ATP10A: variants seen among roughly 807,000 people sequenced by gnomAD.
ATP10A encodes the protein phospholipid-transporting ATPase VA.
In ATP10A, 111 loss-of-function variants were observed where a neutral mutation model predicts 147.8. The ratio of observed to expected loss-of-function variants is 0.75; its 90% CI spans 0.64 to 0.88. The LOEUF is 0.88. ATP10A is among the 40% of genes least tolerant of loss of function. The pLI, the probability that ATP10A is intolerant of heterozygous loss-of-function variation, is 0.00. For synonymous variants in ATP10A, 875 were observed against 841.6 expected, an observed-to-expected ratio of 1.04 and a Z score of -0.69; for missense variants, 1,927 against 1,959.0, an observed-to-expected ratio of 0.98 and a Z score of 0.31.
intron 2 of ATP10A, among the ~76,000 whole-genome samples, chr15:25,776,462 G>C (rs942399188): frequency 6.6e-6 from 1 of 152,204 alleles, no homozygotes; most frequent in African/African-American, 2.4e-5. Flanking sequence ...GTTTAAAAAT[G>C]TTTGCTCTAC....
At chr15:25,728,749 T>C (rs1033162943) in intron 3 of ATP10A, among the ~76,000 whole-genome samples, 3 of 152,266 alleles carry the variant, frequency 2.0e-5, no homozygotes, top group Non-Finnish European at 4.4e-5. Flanking sequence ...ACTGTGACAC[T>C]GACTTTTGAG....
chr15:25,695,231 A>G, intron 13 of ATP10A, 85 bp from the exon 14 acceptor site: 1 of 1,325,610 alleles, frequency 7.5e-7, no homozygotes, highest in Non-Finnish European at 1.0e-6. Context: ...TCTGGAGCTG[A>G]CATCCTTCCG....
chr15:25,703,037 C>T (rs1315952226), intron 12 of ATP10A, among the ~76,000 whole-genome samples: 1 of 152,064 alleles, frequency 6.6e-6, no homozygotes, highest in East Asian at 1.9e-4. Context: ...GATGGGGCTC[C>T]CTCGATGGGA....
At chr15:25,755,831 C>G (rs1888379700) in intron 2 of ATP10A, among the ~76,000 whole-genome samples, 1 of 152,118 alleles carries the variant, frequency 6.6e-6, no homozygotes, top group Non-Finnish European at 1.5e-5. Flanking sequence ...CTTTAAAATA[C>G]AATTTTCTGA....
In ATP10A at chr15:25,863,103, G is replaced by C. The variant is rs1291719124; in HGVS notation, c.-7C>G. The C allele has an allele frequency of 2.6e-6, 3 of 1,174,944 alleles. No individual in the cohort carries two copies. Among genetic ancestry groups the C allele is most frequent in the African/African-American group, 3.2e-5 (2 of 61,780 alleles). 72.8% of individuals were successfully genotyped at this position (1,174,944 alleles called of 1,614,324 possible). A position where few individuals can be genotyped will look rare whatever the true frequency, so the allele number is the denominator to read the frequency against. ...CCGCCGGCTCCCGCTCCATGGCCGC[G>C]TGTCGCCGCGCCCGGCTCCTCCGCC... On this transcript the variant is annotated 5_prime_UTR_variant, in exon 1 of 21. Transcript: ENST00000555815.
chr15:25,722,903 G>C (rs113837515), intron 6 of ATP10A, among the ~76,000 whole-genome samples: 1 of 152,146 alleles, frequency 6.6e-6, no homozygotes, highest in African/African-American at 2.4e-5. Context: ...TTGACTGGGA[G>C]GTGTCAGGGA....
At chr15:25,788,412 A>C (rs546703584) in intron 1 of ATP10A, among the ~76,000 whole-genome samples, 58 of 152,314 alleles carry the variant, frequency 3.8e-4, no homozygotes, top group African/African-American at 1.3e-3. Flanking sequence ...AGTCTCCCCC[A>C]GCAGACACTG....
chr15:25,862,837 GC>G lies in ATP10A; in HGVS notation c.259del (p.Ala87ProfsTer17). The G allele has an allele frequency of 1.2e-6, 2 of 1,609,794 alleles. No homozygotes were observed. Among genetic ancestry groups the G allele is most frequent in the Non-Finnish European group, 1.7e-6 (2 of 1,178,112 alleles). On this transcript the variant is annotated frameshift_variant, in exon 1 of 21. Transcript: ENST00000555815. LOFTEE classifies it high-confidence loss of function. ...KNLFEQFHRPANVYFVFIALL... is the reference protein window; with the variant it reads ...KNLFEQFHRPXNVYFVFIALL... ...CGCGATGAAGACAAAGTACACGTTG[GC>G]CGGGCGGTGGAACTGCTCGAACAGG...
At chr15:25,837,871 C>G (rs550331806) in intron 1 of ATP10A, among the ~76,000 whole-genome samples, 1 of 152,044 alleles carries the variant, frequency 6.6e-6, no homozygotes, top group Non-Finnish European at 1.5e-5. Flanking sequence ...GTGGGGAAGA[C>G]GGGTGGGGAG....
intron 7 of ATP10A, among the ~76,000 whole-genome samples, chr15:25,720,342 G>A (rs764360834): frequency 2.0e-4 from 30 of 152,118 alleles, no homozygotes; most frequent in Non-Finnish European, 3.8e-4. Context: ...TCTCTGAGTC[G>A]TTTTGAAATG....
chr15:25,730,258 C>T (rs754020725), intron 3 of ATP10A, among the ~76,000 whole-genome samples: 58 of 150,490 alleles, frequency 3.9e-4, no homozygotes, highest in Middle Eastern at 3.4e-3. Context: ...GCCAAGATCG[C>T]GCCACTGCAC....
chr15:25,727,040 G>A (rs1382332104), intron 4 of ATP10A, 120 bp downstream of exon 4: 12 of 704,558 alleles, frequency 1.7e-5, no homozygotes, highest in East Asian at 2.9e-5. Flanking sequence ...CTGGGCGACA[G>A]TGCGAGACTC....
chr15:25,839,367 A>G (rs1892715825), intron 1 of ATP10A, among the ~76,000 whole-genome samples: 1 of 152,204 alleles, frequency 6.6e-6, no homozygotes, highest in Non-Finnish European at 1.5e-5. Context: ...ATAACTAGAC[A>G]GCCAAGTCTC....
At chr15:25,690,474 T>C (rs2930631) in intron 15 of ATP10A, among the ~76,000 whole-genome samples, 117,491 of 152,160 alleles carry the variant, frequency 0.77, 45,881 homozygotes, top group Non-Finnish European at 0.85. Context: ...TCCTGGCCTC[T>C]GGTGATCCTC....
intron 5 of ATP10A, among the ~76,000 whole-genome samples, chr15:25,725,311 A>G (rs180818290): frequency 6.6e-6 from 1 of 152,304 alleles, no homozygotes; most frequent in East Asian, 1.9e-4. Flanking sequence ...CCTTGGTGCC[A>G]AAAAGGTTGG....
intron 1 of ATP10A, among the ~76,000 whole-genome samples, chr15:25,800,116 A>G (rs1172661546): frequency 2.0e-5 from 3 of 152,260 alleles, no homozygotes; most frequent in Non-Finnish European, 2.9e-5. Context: ...GCAAGGGTGC[A>G]CGCAACAGCT....
intron 9 of ATP10A, among the ~76,000 whole-genome samples, chr15:25,714,591 C>G (rs1255930617): frequency 6.6e-6 from 1 of 152,094 alleles, no homozygotes; most frequent in Non-Finnish European, 1.5e-5. Context: ...TCTTTCAGAA[C>G]GTGATTGCCG....
At chr15:25,862,232 T>C (rs894310784) in intron 1 of ATP10A, 2 of 468,388 alleles carry the variant, frequency 4.3e-6, no homozygotes, top group Admixed American at 4.7e-5. Flanking sequence ...TACTGTCCTG[T>C]GCCGGCTGTT....
rs1323188303 is a variant in ATP10A at position 25,741,130 on chromosome 15, T to C, written c.655-4989A>G. ...TGCAGACATCAAACCCCGTGCTTCC[T>C]GGGTGTGGCTGGAGCTGGCTCCCAT... On this transcript the variant is annotated intron_variant, in intron 2 of 20. Transcript: ENST00000555815. Among the ~76,000 whole-genome samples, 3 of 152,238 alleles carry C rather than the reference T, an allele frequency of 2.0e-5. No homozygotes were observed. The East Asian group carries it at 5.8e-4, about 29-fold the overall frequency.
Sources: gnomAD v4.1 joint callset for allele counts (sites outside exome capture counted in the v4.1 genomes callset) on GRCh38, gnomAD v4.1.1 for gene constraint, MANE v1.5 for transcripts, NCBI Gene and HGNC (gene_info 2026-07-23, HGNC 2026-07-21) for gene names.